The following OPCML variants were observed in gnomAD, a reference collection of about 807,000 sequenced individuals.
OPCML encodes the protein opioid-binding protein/cell adhesion molecule.
A neutral mutation model predicts 37.8 loss-of-function variants in OPCML; 13 were observed. That is an observed-to-expected ratio of 0.34 (90% CI 0.22 to 0.55). The LOEUF is 0.55. Among genes scored for constraint, OPCML ranks in the 20% least tolerant of loss-of-function variants. The pLI is 0.91. For missense variants in OPCML, 341 were observed against 435.6 expected (o/e 0.78, Z 1.93); for synonymous variants, 176 against 168.8 (o/e 1.04, Z -0.33).
intron 3 of OPCML, among the ~76,000 whole-genome samples, chr11:132,621,005 G>A (rs1939368897): frequency 6.6e-6 from 1 of 152,230 alleles, no homozygotes; most frequent in African/African-American, 2.4e-5. Context: ...ACAAAGGTTT[G>A]AGAGTCAAGG....
At chr11:133,458,523 C>CGTGTGTGTGTATATACACATATATACACG (rs550610376) in intron 1 of OPCML, among the ~76,000 whole-genome samples, 1 of 94,306 alleles carries the variant, frequency 1.1e-5, no homozygotes. Context: ...CATATATACA[C>CGTGTGTGTGTATATACACATATATACACG]TGTGTGTGTA....
intron 1 of OPCML, among the ~76,000 whole-genome samples, chr11:133,497,563 C>T (rs1207265528): frequency 1.3e-5 from 2 of 150,134 alleles, no homozygotes; most frequent in Non-Finnish European, 2.9e-5. Flanking sequence ...TGGAAGCTCC[C>T]ACCAGCACAG....
intron 1 of OPCML, among the ~76,000 whole-genome samples, chr11:133,165,773 A>G (rs1456019513): frequency 1.3e-5 from 2 of 152,106 alleles, no homozygotes; most frequent in African/African-American, 4.8e-5. Flanking sequence ...TTACTGGTCT[A>G]TTCTTGAAGC....
chr11:133,214,588 A>G (rs966295651), intron 1 of OPCML, among the ~76,000 whole-genome samples: 14 of 152,238 alleles, frequency 9.2e-5, no homozygotes, highest in Non-Finnish European at 1.5e-5. Context: ...GTTCATACTC[A>G]TTTACACTTA....
intron 4 of OPCML, among the ~76,000 whole-genome samples, chr11:132,475,117 G>A (rs1232865055): frequency 1.3e-5 from 2 of 152,166 alleles, no homozygotes; most frequent in Non-Finnish European, 2.9e-5. Flanking sequence ...CCACTGGAGA[G>A]AAGCAAAGGT....
intron 1 of OPCML, among the ~76,000 whole-genome samples, chr11:133,158,708 T>TAAAA (rs1387266864): frequency 0.014 from 1,504 of 109,018 alleles, 38 homozygotes; most frequent in African/African-American, 0.053. Context: ...AAAAATAAAA[T>TAAAA]TAAAAAAATA....
intron 1 of OPCML, among the ~76,000 whole-genome samples, chr11:133,093,544 C>T (rs1948947147): frequency 2.0e-5 from 3 of 152,268 alleles, no homozygotes; most frequent in South Asian, 4.1e-4. Flanking sequence ...CCACTTAATG[C>T]TCATAGTGAT....
At chr11:132,627,089 T>C (rs533213850) in intron 3 of OPCML, among the ~76,000 whole-genome samples, 1 of 152,002 alleles carries the variant, frequency 6.6e-6, no homozygotes, top group Non-Finnish European at 1.5e-5. Context: ...AGTATTTTAG[T>C]AGCAAACGAG....
chr11:133,160,373 C>T (rs1950125857), intron 1 of OPCML, among the ~76,000 whole-genome samples: 1 of 152,110 alleles, frequency 6.6e-6, no homozygotes, highest in Admixed American at 6.5e-5. Flanking sequence ...CAGGAATAGC[C>T]CCAGGAGTTT....
chr11:133,278,767 C>T (rs1176265800), intron 1 of OPCML, among the ~76,000 whole-genome samples: 1 of 152,148 alleles, frequency 6.6e-6, no homozygotes, highest in African/African-American at 2.4e-5. Context: ...CAGCCACCTA[C>T]TCAATTGATT....
intron 1 of OPCML, among the ~76,000 whole-genome samples, chr11:133,508,173 C>T (rs1948076476): frequency 6.6e-6 from 1 of 152,060 alleles, no homozygotes; most frequent in African/African-American, 2.4e-5. Flanking sequence ...AGGTTGAGAG[C>T]CATTGCTCTG....
chr11:133,076,366 G>T (rs965506847), intron 1 of OPCML, among the ~76,000 whole-genome samples: 3 of 152,080 alleles, frequency 2.0e-5, no homozygotes, highest in African/African-American at 7.2e-5. Context: ...TGAATTGTTG[G>T]CATTCCTCCA....
intron 1 of OPCML, among the ~76,000 whole-genome samples, chr11:133,072,512 C>T (rs1006220642): frequency 3.9e-5 from 6 of 152,212 alleles, no homozygotes; most frequent in Admixed American, 6.5e-5. Flanking sequence ...TGTGGGATAA[C>T]ACCCAAAGGG....
intron 4 of OPCML, among the ~76,000 whole-genome samples, chr11:132,496,607 T>C (rs1002809675): frequency 2.1e-4 from 32 of 152,208 alleles, no homozygotes; most frequent in African/African-American, 7.5e-4. Context: ...TGAAATCTGA[T>C]TCTGACAGAG....
intron 2 of OPCML, among the ~76,000 whole-genome samples, chr11:132,930,761 A>T (rs1945171646): frequency 6.6e-6 from 1 of 152,232 alleles, no homozygotes; most frequent in Non-Finnish European, 1.5e-5. Context: ...GACTTAATAT[A>T]GTTAATTCAA....
chr11:133,005,802 G>C (rs933201180), intron 1 of OPCML: 17 of 985,046 alleles, frequency 1.7e-5, no homozygotes, highest in Non-Finnish European at 2.0e-5. Context: ...TAGGAGATGG[G>C]CATTTCCCTG....
At chr11:133,497,745 C>T (rs1031181269) in intron 1 of OPCML, among the ~76,000 whole-genome samples, 2 of 152,146 alleles carry the variant, frequency 1.3e-5, no homozygotes, top group Non-Finnish European at 2.9e-5. Flanking sequence ...GTGCTATTTC[C>T]CCAAAGAGAA....
chr11:133,510,626 G>T (rs1278377124), intron 1 of OPCML, among the ~76,000 whole-genome samples: 2 of 152,248 alleles, frequency 1.3e-5, no homozygotes, highest in Non-Finnish European at 1.5e-5. Flanking sequence ...AGTGATTTAG[G>T]ATAGCATGTG....
chr11:132,713,733 A>G (rs1302469113), intron 2 of OPCML, among the ~76,000 whole-genome samples: 1 of 152,218 alleles, frequency 6.6e-6, no homozygotes, highest in Non-Finnish European at 1.5e-5. Flanking sequence ...AGTTATGAAC[A>G]TGAACATCAG....
Sources: gnomAD v4.1 joint callset for allele counts (sites outside exome capture counted in the v4.1 genomes callset) on GRCh38, gnomAD v4.1.1 for gene constraint, MANE v1.5 for transcripts, NCBI Gene and HGNC (gene_info 2026-07-23, HGNC 2026-07-21) for gene names.